PIP5K1A: variants seen among roughly 807,000 people sequenced by gnomAD.
PIP5K1A encodes phosphatidylinositol-4-phosphate 5-kinase type 1 alpha.
A neutral mutation model predicts 72.9 loss-of-function variants in PIP5K1A; 46 were observed. That is an observed-to-expected ratio of 0.63 (90% confidence interval 0.50 to 0.81). The LOEUF is 0.81. Among genes scored for constraint, PIP5K1A ranks in the 30% least tolerant of loss-of-function variants. PIP5K1A has a pLI of 0.00. For missense variants in PIP5K1A, 458 were observed against 706.1 expected (o/e 0.65, Z 3.98); for synonymous variants, 228 against 255.1 (o/e 0.89, Z 1.01).
At position 151,198,938 on chromosome 1, in the gene PIP5K1A, G is replaced by C. The variant is rs1684798599; in HGVS notation, c.-59G>C. 6.7e-7 allele frequency: 1 copy of C among 1,497,662 alleles called. No individual in the cohort carries two copies. Among genetic ancestry groups the C allele is most frequent in the Non-Finnish European group, 9.3e-7 (1 of 1,076,646 alleles). 92.8% of individuals were successfully genotyped at this position (1,497,662 alleles called of 1,614,324 possible). ...AGACGTTGGGAAGATTCGATTCCGAGAAGAGGAAGAACCGGATTGAAAGAG... is the reference window on the plus strand; with the variant it reads ...AGACGTTGGGAAGATTCGATTCCGACAAGAGGAAGAACCGGATTGAAAGAG... On this transcript the variant is annotated 5_prime_UTR_variant, in exon 1 of 16. Transcript: ENST00000368888.
chr1:151,247,117 CTTATTTATTTATTTAT>C (rs587595651), intron 15 of PIP5K1A, 152 bp downstream of exon 15: 1 of 381,780 alleles, frequency 2.6e-6, no homozygotes, highest in South Asian at 1.2e-4. Flanking sequence ...TTATTTTGTA[CTTATTTATTTATTTAT>C]TTATTTATTT....
chr1:151,209,992 T>C (rs1222872353), intron 1 of PIP5K1A, among the ~76,000 whole-genome samples: 2 of 152,022 alleles, frequency 1.3e-5, no homozygotes, highest in South Asian at 2.1e-4. Flanking sequence ...CAAGAGATTC[T>C]TGTGCCTCTG....
Position 151,242,225 on chromosome 1 carries a change from G to T in PIP5K1A, c.1466G>T (p.Gly489Val). Residue 489 changes from glycine (G) to valine (V), a missense_variant, in exon 13 of 16, where the codon GGG becomes GTG. Physicochemically the swap from Gly to Val is moderately radical, Grantham distance 109. This residue lies in a region of PIP5K1A where 157 missense variants were observed against 175.5 expected (regional missense o/e 0.89). Transcript: ENST00000368888. ...ATTACTTACCAGCCATCGGTCTCTG[G>T]GGAACACAAGGCACAAGTGACAACA... ...SCITYQPSVS[G>V]EHKAQVTTKA... 1.2e-6 allele frequency: 2 copies of T among 1,614,068 alleles called. No homozygotes were observed. Among genetic ancestry groups the T allele is most frequent in the South Asian group, 2.2e-5 (2 of 91,072 alleles).
At chr1:151,205,982 A>T (rs1451957078) in intron 1 of PIP5K1A, among the ~76,000 whole-genome samples, 4 of 152,114 alleles carry the variant, frequency 2.6e-5, no homozygotes. Flanking sequence ...TGAAACACCG[A>T]TGGTGTTTCC....
intron 1 of PIP5K1A, among the ~76,000 whole-genome samples, chr1:151,204,581 A>G (rs1558234176): frequency 6.6e-6 from 1 of 152,234 alleles, no homozygotes; most frequent in Non-Finnish European, 1.5e-5. Context: ...AGCAGTTTAG[A>G]TCATGTTGAA....
At chr1:151,238,736 C>T (rs1691232985) in intron 10 of PIP5K1A, 1 of 233,770 alleles carries the variant, frequency 4.3e-6, no homozygotes, top group African/African-American at 2.3e-5. Flanking sequence ...CAGTTTTGTT[C>T]CTGTAAGGTT....
At chr1:151,233,556 C>G (rs1288927935) in intron 7 of PIP5K1A, 1 of 152,270 alleles carries the variant, frequency 6.6e-6, no homozygotes, top group African/African-American at 2.4e-5. Context: ...CCTGCCTTGG[C>G]CTCCCAAAGT....
intron 1 of PIP5K1A, among the ~76,000 whole-genome samples, chr1:151,218,432 G>A (rs1687935500): frequency 6.6e-6 from 1 of 152,136 alleles, no homozygotes; most frequent in Admixed American, 6.6e-5. Context: ...AAGAATATAT[G>A]TCTTCATATT....
At chr1:151,239,098 A>T (rs752846893) in intron 10 of PIP5K1A, 32 bp from the exon 11 acceptor site, 1 of 1,537,644 alleles carries the variant, frequency 6.5e-7, no homozygotes, top group African/African-American at 1.4e-5. Context: ...TTTAAAAATG[A>T]CGTGAGTAGG....
In PIP5K1A at chr1:151,224,265, C is replaced by T; in HGVS notation, c.106C>T (p.Pro36Ser). The T allele has an allele frequency of 6.2e-7, 1 of 1,613,106 alleles. No individual in the cohort carries two copies. Among genetic ancestry groups the T allele is most frequent in the Middle Eastern group, 1.7e-4 (1 of 6,060 alleles). Residue 36 changes from proline (P) to serine (S), a missense_variant, in exon 2 of 16, where the codon CCC becomes TCC. Physicochemically the swap from Pro to Ser is moderately conservative, Grantham distance 74 (BLOSUM62 -1). This residue lies in a region of PIP5K1A where 81 missense variants were observed against 88.0 expected (regional missense o/e 0.92). Coordinates refer to ENST00000368888, the MANE Select transcript of PIP5K1A (RefSeq NM_001135638.2). ...CCTAGCAGCATCTGGAATCAAGAGACCCATGGCATCTGAGGTGAGTTTCAT... is the reference window on the plus strand; with the variant it reads ...CCTAGCAGCATCTGGAATCAAGAGATCCATGGCATCTGAGGTGAGTTTCAT... ...LSSAASGIKR[P>S]MASEVLEARQ...
Position 151,236,591 on chromosome 1 carries a change from C to T in PIP5K1A, c.973C>T (p.Leu325Phe). Reference sequence around the variant, plus strand: ...GAGCTTCAAGATAATGGATTACAGCCTCTTGATGTCAATCCATAATATAGA... The same window carrying T: ...GAGCTTCAAGATAATGGATTACAGCTTCTTGATGTCAATCCATAATATAGA... Reference protein sequence around the residue: ...LQSFKIMDYSLLMSIHNIDHA... With the variant: ...LQSFKIMDYSFLMSIHNIDHA... Residue 325 changes from leucine to phenylalanine, a missense_variant, in exon 9 of 16, where the codon CTC becomes TTC. Physicochemically the swap from Leu to Phe is conservative, Grantham distance 22. Around this residue, in one of 3 missense-constraint regions of PIP5K1A, gnomAD observed 220 missense variants for 442.6 expected, o/e 0.50. Coordinates refer to ENST00000368888, the MANE Select transcript of PIP5K1A (RefSeq NM_001135638.2). 6.2e-7 allele frequency: 1 copy of T among 1,609,658 alleles called. No homozygotes were observed. Among genetic ancestry groups the T allele is most frequent in the Non-Finnish European group, 8.5e-7 (1 of 1,176,036 alleles).
intron 12 of PIP5K1A, among the ~76,000 whole-genome samples, chr1:151,241,212 A>G (rs1359704791): frequency 6.6e-6 from 1 of 151,760 alleles, no homozygotes; most frequent in African/African-American, 2.4e-5. Flanking sequence ...CTATTAAAGA[A>G]AAAGGGGGGC....
rs587757498 is a variant in PIP5K1A, at chr1:151,231,297, AC to A, written c.238-373del. 3.5e-4 allele frequency among the ~76,000 whole-genome samples: 53 copies of A among 152,224 alleles called. 1 individual carries two copies. The South Asian group carries it at 0.011, about 31-fold the overall frequency. On this transcript the variant is annotated intron_variant, in intron 4 of 15. Coordinates refer to ENST00000368888, the MANE Select transcript of PIP5K1A (RefSeq NM_001135638.2). ...AGGAAATGTTTAGAGGGCTCCAGAT[AC>A]ACTCTGGGGGCAGAAACCTTAGGAG...
chr1:151,205,624 C>T (rs1572148176), intron 1 of PIP5K1A, among the ~76,000 whole-genome samples: 1 of 151,888 alleles, frequency 6.6e-6, no homozygotes, highest in African/African-American at 2.4e-5. Context: ...CTGGCGAAAC[C>T]CTGTCTCTAC....
intron 4 of PIP5K1A, among the ~76,000 whole-genome samples, chr1:151,227,816 G>C (rs1689379090): frequency 6.6e-6 from 1 of 152,132 alleles, no homozygotes; most frequent in Non-Finnish European, 1.5e-5. Context: ...AACCTGAGAG[G>C]TGGAGGTTGC....
intron 4 of PIP5K1A, among the ~76,000 whole-genome samples, chr1:151,228,073 T>C (rs180833517): frequency 6.6e-6 from 1 of 152,246 alleles, no homozygotes; most frequent in East Asian, 1.9e-4. Flanking sequence ...TATATATCAA[T>C]AGAGGGCCAG....
At chr1:151,239,255 ATTTTTTC>A (rs765778985) in intron 11 of PIP5K1A, 77 bp downstream of exon 11, 105 of 939,694 alleles carry the variant, frequency 1.1e-4, no homozygotes, top group East Asian at 3.9e-4. Context: ...GTTTCTTGCA[ATTTTTTC>A]TTTTTTCTTT....
At position 151,216,050 on chromosome 1, in the gene PIP5K1A, A is replaced by G. The variant is rs778630875; in HGVS notation, c.86-8195A>G. 3 of 973,764 alleles carry G rather than the reference A, an allele frequency of 3.1e-6. No homozygotes were observed. The South Asian group carries it at 4.0e-5, about 13-fold the overall frequency. 60.3% of individuals were successfully genotyped at this position (973,764 alleles called of 1,614,324 possible). A position where few individuals can be genotyped will look rare whatever the true frequency, so the allele number is the denominator to read the frequency against. ...AAAGAAGCATGAGCTCCTTACAGTA[A>G]CTAGCAGCCAATTCCTCTTCCCCAT... On this transcript the variant is annotated intron_variant, in intron 1 of 15. Transcript: ENST00000368888.
chr1:151,242,341 G>T (rs1472556991), intron 13 of PIP5K1A, 72 bp downstream of exon 13: 1 of 1,600,922 alleles, frequency 6.2e-7, no homozygotes, highest in East Asian at 2.2e-5. Flanking sequence ...TATCTTGTCT[G>T]GCCAGGACCT....
Sources: allele counts gnomAD v4.1 joint callset (sites outside exome capture counted in the v4.1 genomes callset), GRCh38; gene constraint gnomAD v4.1.1; regional missense constraint gnomAD v4.1.1; transcripts MANE v1.5; gene names NCBI Gene and HGNC (gene_info 2026-07-23, HGNC 2026-07-21).